CAB39L: variants seen among roughly 807,000 people sequenced by gnomAD.
The protein encoded by CAB39L is calcium-binding protein 39-like.
A neutral mutation model predicts 39.1 loss-of-function variants in CAB39L; 23 were observed. The ratio of observed to expected loss-of-function variants is 0.59; its 90% confidence interval spans 0.42 to 0.83. The LOEUF is 0.83. Ranked by LOEUF, CAB39L falls within the 40% of genes least tolerant of loss-of-function variation. The probability of loss-of-function intolerance (pLI) is 0.00; values close to 1 mark genes in which losing one functional copy is unlikely to be tolerated. For synonymous variants in CAB39L, 126 were observed against 137.2 expected (o/e 0.92, Z 0.57); for missense variants, 366 against 391.9 (o/e 0.93, Z 0.56).
chr13:49,433,853 C>T (rs1171072723), intron 2 of CAB39L, among the ~76,000 whole-genome samples: 2 of 152,096 alleles, frequency 1.3e-5, no homozygotes, highest in African/African-American at 4.8e-5. Context: ...TTTCCTAGCA[C>T]AAAACATAGA....
At chr13:49,443,612 G>A (rs779226430) in intron 1 of CAB39L, among the ~76,000 whole-genome samples, 7 of 152,102 alleles carry the variant, frequency 4.6e-5, no homozygotes, top group Non-Finnish European at 1.0e-4. Context: ...GTCAAAGGGG[G>A]TTGATGGTCA....
Position 49,322,994 on chromosome 13 carries a change from C to T in CAB39L, c.834+8953G>A, listed in dbSNP as rs572512504. On this transcript the variant is annotated intron_variant, in intron 10 of 10. Coordinates refer to ENST00000409308, the MANE Select transcript of CAB39L (RefSeq NM_001079670.3). ...ACTGTTAAATTTCTCTGTCAGTCTTCTTTTTTGGTGCATAAGTGTTTTTAA... is the reference window on the plus strand; with the variant it reads ...ACTGTTAAATTTCTCTGTCAGTCTTTTTTTTTGGTGCATAAGTGTTTTTAA... Among the ~76,000 whole-genome samples, 10 of 152,310 alleles carry T rather than the reference C, an allele frequency of 6.6e-5. No individual in the cohort carries two copies. In the South Asian group the frequency reaches 2.1e-3, roughly 32 times the overall value.
At chr13:49,338,573 G>C (rs1954914184) in intron 9 of CAB39L, among the ~76,000 whole-genome samples, 1 of 151,850 alleles carries the variant, frequency 6.6e-6, no homozygotes, top group Non-Finnish European at 1.5e-5. Context: ...AGTGGGTGCA[G>C]TGCAACAGCA....
chr13:49,434,317 GC>G (rs1290328133), intron 1 of CAB39L, 94 bp from the exon 2 acceptor site: 2 of 372,914 alleles, frequency 5.4e-6, no homozygotes, highest in East Asian at 1.5e-4. Context: ...CTAATCTGAA[GC>G]AAATTTTTAA....
chr13:49,377,025 A>C lies in CAB39L; in HGVS notation c.218T>G (p.Leu73Arg), dbSNP rs1186859963. The stretch of plus-strand genomic sequence containing the variant: ...TGTCACTAGCAGGCCACTGCTGTAG[A>C]GTTCTTGTGCTAGCTGAGCCACTGC... ...TEAVAQLAQE[L>R]YSSGLLVTLI... Residue 73 changes from leucine to arginine, a missense_variant, in exon 5 of 11, where the codon CTC becomes CGC. Leu to Arg is a moderately radical substitution (Grantham distance 102, BLOSUM62 -2). Coordinates refer to ENST00000409308, the MANE Select transcript of CAB39L (RefSeq NM_001079670.3). 1 of 1,613,752 alleles carries C rather than the reference A, an allele frequency of 6.2e-7. No homozygotes were observed. The highest frequency in any genetic ancestry group is 1.3e-5 in the African/African-American group (1 of 74,902).
chr13:49,387,610 G>A (rs1449806074), intron 3 of CAB39L, among the ~76,000 whole-genome samples: 1 of 152,116 alleles, frequency 6.6e-6, no homozygotes, highest in Non-Finnish European at 1.5e-5. Flanking sequence ...CAACAAATAG[G>A]TTGTTTATTA....
rs1299820307 is a variant in CAB39L at position 49,378,149 on chromosome 13, C to G, written c.112-1018G>C. 1.7e-4 allele frequency among the ~76,000 whole-genome samples: 14 copies of G among 80,050 alleles called. 6 individuals carry two copies. Among genetic ancestry groups the G allele is most frequent in the Non-Finnish European group, 3.3e-4 (13 of 39,914 alleles). The allele number at this position is 80,050 out of a possible 152,430, so 52.5% of individuals were successfully genotyped here. On this transcript the variant is annotated intron_variant, in intron 4 of 10. Coordinates refer to ENST00000409308, the MANE Select transcript of CAB39L (RefSeq NM_001079670.3). Reference sequence around the variant, plus strand: ...CCCGTCTGAGAAGTGAGGAGCCCCTCCGCCCGGCAGCCGCCCCGTCTGAGA... The same window carrying G: ...CCCGTCTGAGAAGTGAGGAGCCCCTGCGCCCGGCAGCCGCCCCGTCTGAGA...
intron 9 of CAB39L, among the ~76,000 whole-genome samples, chr13:49,335,682 CCA>C (rs567319249): frequency 2.6e-5 from 4 of 152,212 alleles, no homozygotes; most frequent in African/African-American, 7.2e-5. Flanking sequence ...AAAAAATTCC[CCA>C]GTTTCCACCA....
chr13:49,331,159 C>T (rs1954680787), intron 10 of CAB39L, among the ~76,000 whole-genome samples: 1 of 152,046 alleles, frequency 6.6e-6, no homozygotes. Context: ...CCACCTACCC[C>T]ACCTGTTAAA....
intron 3 of CAB39L, among the ~76,000 whole-genome samples, chr13:49,420,757 G>C (rs1226009153): frequency 2.6e-5 from 4 of 152,174 alleles, no homozygotes; most frequent in Non-Finnish European, 5.9e-5. Flanking sequence ...AACTTTATTA[G>C]AAATGCTAAG....
rs1957371771 is a variant in CAB39L at position 49,434,181 on chromosome 13, C to CT, written c.-204dup. 2.2e-6 allele frequency: 1 copy of CT among 455,900 alleles called. No individual in the cohort carries two copies. The highest frequency in any genetic ancestry group is 2.0e-5 in the African/African-American group (1 of 50,010). The allele number at this position is 455,900 out of a possible 1,614,324, so 28.2% of individuals were successfully genotyped here. A position where few individuals can be genotyped will look rare whatever the true frequency, so the allele number is the denominator to read the frequency against. On this transcript the variant is annotated 5_prime_UTR_variant, in exon 2 of 11. Transcript: ENST00000409308. ...ACGTTCTGAACAGCAACTTAGAACA[C>CT]TTTGCTCCTGATATTCTTTCTTCTC...
At chr13:49,359,870 T>TA in intron 5 of CAB39L, 38 bp from the exon 6 acceptor site, 1 of 1,093,008 alleles carries the variant, frequency 9.1e-7, no homozygotes, top group South Asian at 1.3e-5. Flanking sequence ...TTGTACACTC[T>TA]AAATGGATGA....
intron 9 of CAB39L, among the ~76,000 whole-genome samples, 192 bp from the exon 10 acceptor site, chr13:49,332,282 G>A (rs559259463): frequency 3.3e-5 from 5 of 152,328 alleles, no homozygotes; most frequent in Admixed American, 6.5e-5. Context: ...TTTTCACACT[G>A]CTTTGCTGAT....
At chr13:49,350,572 C>T (rs1276232537) in intron 7 of CAB39L, among the ~76,000 whole-genome samples, 172 bp downstream of exon 7, 1 of 152,204 alleles carries the variant, frequency 6.6e-6, no homozygotes, top group Non-Finnish European at 1.5e-5. Context: ...ATAGGACAGA[C>T]TGGCCTCATA....
chr13:49,379,736 CAGTA>C (rs1326492723), intron 4 of CAB39L, among the ~76,000 whole-genome samples: 1 of 148,502 alleles, frequency 6.7e-6, no homozygotes, highest in Non-Finnish European at 1.5e-5. Context: ...AAAACAAAAA[CAGTA>C]AGCACTGCCT....
intron 3 of CAB39L, among the ~76,000 whole-genome samples, chr13:49,424,487 C>T (rs1051783827): frequency 2.0e-5 from 3 of 152,048 alleles, no homozygotes; most frequent in South Asian, 2.1e-4. Flanking sequence ...CTACATGTAA[C>T]GTGGCATCCT....
At chr13:49,415,319 A>G (rs1454166579) in intron 3 of CAB39L, among the ~76,000 whole-genome samples, 1 of 152,074 alleles carries the variant, frequency 6.6e-6, no homozygotes, top group African/African-American at 2.4e-5. Context: ...GTTCAAGACC[A>G]GCCTGGCCAA....
chr13:49,338,394 C>T (rs978640232), intron 9 of CAB39L, among the ~76,000 whole-genome samples: 7 of 150,326 alleles, frequency 4.7e-5, no homozygotes, highest in South Asian at 2.1e-4. Context: ...AGTAAACTAT[C>T]GCAAGAACAA....
chr13:49,326,706 G>A (rs1367303288), intron 10 of CAB39L, among the ~76,000 whole-genome samples: 1 of 152,136 alleles, frequency 6.6e-6, no homozygotes, highest in East Asian at 1.9e-4. Context: ...TACGGGGCAG[G>A]CCAAGTTACA....
Sources: allele counts gnomAD v4.1 joint callset (sites outside exome capture counted in the v4.1 genomes callset), GRCh38; gene constraint gnomAD v4.1.1; transcripts MANE v1.5; gene names NCBI Gene and HGNC (gene_info 2026-07-23, HGNC 2026-07-21).